The following USP6NL variants were observed in gnomAD, a reference collection of about 807,000 sequenced individuals.
USP6NL encodes USP6 N-terminal like.
USP6NL carries 26 observed loss-of-function variants against 61.9 expected under a neutral mutation model. The ratio of observed to expected loss-of-function variants is 0.42; its 90% CI spans 0.31 to 0.58. The LOEUF (loss-of-function observed/expected upper bound fraction) is 0.58, where lower values mean the gene tolerates loss of function less well. USP6NL is among the 20% of genes least tolerant of loss of function. The probability of loss-of-function intolerance (pLI) is 0.16; values close to 1 mark genes in which losing one functional copy is unlikely to be tolerated. For synonymous variants in USP6NL, 432 were observed against 390.1 expected, an observed-to-expected ratio of 1.11 and a Z score of -1.27; for missense variants, 1,114 against 1,034.3, an observed-to-expected ratio of 1.08 and a Z score of -1.06.
chr10:11,472,922 G>A (rs1375069509), intron 14 of USP6NL, among the ~76,000 whole-genome samples: 2 of 152,026 alleles, frequency 1.3e-5, no homozygotes, highest in Non-Finnish European at 2.9e-5. Context: ...AAATTCAAGA[G>A]GTCTTTGTTA....
Position 11,465,947 on chromosome 10 carries a change from T to G in USP6NL, c.1079-2098A>C, listed in dbSNP as rs189389300. Among the ~76,000 whole-genome samples the G allele has an allele frequency of 8.5e-5, 13 of 152,242 alleles. No homozygotes were observed. The highest frequency in any genetic ancestry group is 1.3e-4 in the Non-Finnish European group (9 of 68,012). On this transcript the variant is annotated intron_variant, in intron 14 of 14. Transcript: ENST00000609104. The surrounding 1 kb of genome is among the most constrained non-coding windows in gnomAD (Gnocchi z 4.5). Reference sequence around the variant, plus strand: ...CACATTTTCAGTGTCAACAATGTAATGAAACAAACTACAGTGATTATAATA... The same window carrying G: ...CACATTTTCAGTGTCAACAATGTAAGGAAACAAACTACAGTGATTATAATA...
intron 4 of USP6NL, among the ~76,000 whole-genome samples, chr10:11,523,129 A>G (rs1033613713): frequency 5.3e-5 from 8 of 152,266 alleles, no homozygotes; most frequent in African/African-American, 1.7e-4. Context: ...AGCCAAATGG[A>G]CCTTAGCACA....
At position 11,476,266 on chromosome 10, in the gene USP6NL, T is replaced by C. The variant is rs1832964390; in HGVS notation, c.1078+5504A>G. Among the ~76,000 whole-genome samples, 1 of 152,236 alleles carries C rather than the reference T, an allele frequency of 6.6e-6. No individual in the cohort carries two copies. The highest frequency in any genetic ancestry group is 2.1e-4 in the South Asian group (1 of 4,832). ...AGGAGTCACACTGTAGTCACACTGT[T>C]ACACTTGTTAGTGTAGCAATGGCAT... On this transcript the variant is annotated intron_variant, in intron 14 of 14. Transcript: ENST00000609104. This position sits in a 1 kb window ranked among gnomAD's most constrained non-coding sequence, Gnocchi z 4.3.
rs141549964 is a variant in USP6NL, at chr10:11,547,584, C to G, written c.5-20017G>C. 4.3e-3 allele frequency among the ~76,000 whole-genome samples: 638 copies of G among 149,672 alleles called. 13 individuals are homozygous for G. The East Asian group carries it at 0.046, about 11-fold the overall frequency. On this transcript the variant is annotated intron_variant, in intron 2 of 14. Coordinates refer to ENST00000609104, the MANE Select transcript of USP6NL (RefSeq NM_014688.5). ...TGAGACAGTCTCACTCTGTCGCCCA[C>G]GCTGAAGTGCAGTGGCACGATCTCA...
intron 1 of USP6NL, among the ~76,000 whole-genome samples, chr10:11,604,663 G>A (rs927995092): frequency 3.3e-4 from 50 of 151,906 alleles, no homozygotes; most frequent in African/African-American, 1.2e-3. Context: ...AACTGATAAG[G>A]GATACAACTC....
chr10:11,500,102 G>A (rs1169784445), intron 7 of USP6NL, among the ~76,000 whole-genome samples: 2 of 152,106 alleles, frequency 1.3e-5, no homozygotes, highest in Non-Finnish European at 2.9e-5. Flanking sequence ...TCACTTATAA[G>A]TGGGAGCTGA....
intron 2 of USP6NL, among the ~76,000 whole-genome samples, chr10:11,580,454 T>G (rs1837716380): frequency 6.6e-6 from 1 of 152,082 alleles, no homozygotes; most frequent in African/African-American, 2.4e-5. Flanking sequence ...TATTTATAAT[T>G]GCAAAAAAAA....
In USP6NL at chr10:11,481,398, T is replaced by C. The variant is rs921256249; in HGVS notation, c.1078+372A>G. On this transcript the variant is annotated intron_variant, in intron 14 of 14. Coordinates refer to ENST00000609104, the MANE Select transcript of USP6NL (RefSeq NM_014688.5). The surrounding 1 kb of genome is among the most constrained non-coding windows in gnomAD (Gnocchi z 4.4). ...AAGATGGGGCTTTTACTGTACTTAC[T>C]ATTGCTGTACTTACTATTGTATACG... 6.6e-6 allele frequency among the ~76,000 whole-genome samples: 1 copy of C among 152,166 alleles called. No individual in the cohort carries two copies. The highest frequency in any genetic ancestry group is 1.5e-5 in the Non-Finnish European group (1 of 68,040).
chr10:11,504,082 G>A (rs1211012116), intron 6 of USP6NL, among the ~76,000 whole-genome samples: 1 of 151,882 alleles, frequency 6.6e-6, no homozygotes, highest in African/African-American at 2.4e-5. Context: ...AGCAGTAGGA[G>A]GTGACAAAAC....
intron 13 of USP6NL, among the ~76,000 whole-genome samples, chr10:11,484,312 ATTTC>A (rs1181264725): frequency 1.3e-5 from 2 of 152,112 alleles, no homozygotes. Context: ...AAAAAATCTC[ATTTC>A]TTTATTTTAA....
intron 2 of USP6NL, among the ~76,000 whole-genome samples, chr10:11,557,933 A>C (rs557467215): frequency 2.2e-4 from 33 of 152,346 alleles, no homozygotes; most frequent in Non-Finnish European, 4.1e-4. Flanking sequence ...TATGGAGAAG[A>C]AACGCGGAAG....
At chr10:11,580,859 C>T (rs61844602) in intron 2 of USP6NL, among the ~76,000 whole-genome samples, 11 of 134,244 alleles carry the variant, frequency 8.2e-5, no homozygotes, top group Non-Finnish European at 8.1e-5. Flanking sequence ...GAATGACGAA[C>T]GGATAGATGA....
Position 11,463,817 on chromosome 10 carries a change from C to G in USP6NL, c.1111G>C (p.Gly371Arg), listed in dbSNP as rs1476893818. 6.8e-7 allele frequency: 1 copy of G among 1,473,168 alleles called. No individual in the cohort carries two copies. The highest frequency in any genetic ancestry group is 2.4e-5 in the East Asian group (1 of 40,828). The allele number at this position is 1,473,168 out of a possible 1,614,324, so 91.3% of individuals were successfully genotyped here. The stretch of plus-strand genomic sequence containing the variant: ...GACTGAAGTTCAGGTGGAAGCTGCC[C>G]CAAGGGCTTCTTTGGATATTCATCC... Reference protein sequence around the residue: ...KEDEYPKKPLGQLPPELQSWG... With the variant: ...KEDEYPKKPLRQLPPELQSWG... Residue 371 changes from glycine (G) to arginine (R), a missense_variant, in exon 15 of 15, where the codon GGG (glycine) becomes CGG (arginine). Transcript: ENST00000609104. The surrounding 1 kb of genome is among the most constrained non-coding windows in gnomAD (Gnocchi z 6.3).
chr10:11,545,812 C>T (rs565790930), intron 2 of USP6NL, among the ~76,000 whole-genome samples: 2 of 147,950 alleles, frequency 1.4e-5, no homozygotes, highest in Non-Finnish European at 3.1e-5. Flanking sequence ...CTTGTAAAGC[C>T]TCTTAGAGGG....
chr10:11,566,392 G>A (rs192147970), intron 2 of USP6NL, among the ~76,000 whole-genome samples: 2 of 152,238 alleles, frequency 1.3e-5, no homozygotes, highest in African/African-American at 2.4e-5. Flanking sequence ...TTTACCAAAC[G>A]CCACATATTT....
At chr10:11,568,675 G>A (rs902308189) in intron 2 of USP6NL, among the ~76,000 whole-genome samples, 3 of 152,146 alleles carry the variant, frequency 2.0e-5, no homozygotes, top group Non-Finnish European at 4.4e-5. Flanking sequence ...ACTAGGGGTT[G>A]GTACAAATGT....
In USP6NL at chr10:11,490,661, C is replaced by T. The variant is rs191991322; in HGVS notation, c.543+171G>A. Among the ~76,000 whole-genome samples the T allele has an allele frequency of 8.5e-5, 13 of 152,338 alleles. No individual in the cohort carries two copies. The highest frequency in any genetic ancestry group is 7.8e-4 in the Admixed American group (12 of 15,298). The stretch of plus-strand genomic sequence containing the variant: ...CTTCCACTTCAGAATCAGCTCTGTT[C>T]TAAGGCCCTAGGGTTATCACAGGGT... On this transcript the variant is annotated intron_variant, in intron 9 of 14. Coordinates refer to ENST00000609104, the MANE Select transcript of USP6NL (RefSeq NM_014688.5). The surrounding 1 kb of genome is among the most constrained non-coding windows in gnomAD (Gnocchi z 4.5).
chr10:11,570,624 T>C (rs1044164535), intron 2 of USP6NL, among the ~76,000 whole-genome samples: 2 of 152,212 alleles, frequency 1.3e-5, no homozygotes, highest in Admixed American at 6.5e-5. Context: ...ACATACACTG[T>C]TTTTCAAAAG....
chr10:11,526,170 C>T (rs939289484), intron 3 of USP6NL, among the ~76,000 whole-genome samples: 4 of 151,984 alleles, frequency 2.6e-5, no homozygotes, highest in African/African-American at 9.6e-5. Context: ...GTCCACAGCC[C>T]GCTGCTCTTC....
Sources: allele counts gnomAD v4.1 joint callset (sites outside exome capture counted in the v4.1 genomes callset), GRCh38; gene constraint gnomAD v4.1.1; non-coding constraint Gnocchi (gnomAD v3.1); transcripts MANE v1.5; gene names NCBI Gene and HGNC (gene_info 2026-07-23, HGNC 2026-07-21).